Variants in SH3D19 observed in about 807,000 individuals in gnomAD.
The protein encoded by SH3D19 is SH3 domain-containing protein 19.
A neutral mutation model predicts 112.1 loss-of-function variants in SH3D19; 58 were observed. That is an observed-to-expected ratio of 0.52 (90% CI 0.42 to 0.64). The LOEUF is 0.64. SH3D19 is among the 30% of genes least tolerant of loss of function. SH3D19 has a pLI of 0.00. For synonymous variants in SH3D19, 391 were observed against 448.5 expected, an observed-to-expected ratio of 0.87 and a Z score of 1.62; for missense variants, 1,090 against 1,263.4, an observed-to-expected ratio of 0.86 and a Z score of 2.08.
intron 1 of SH3D19, chr4:151,226,519 A>G (rs906366152): frequency 2.1e-6 from 2 of 973,186 alleles, no homozygotes; most frequent in African/African-American, 3.5e-5. Flanking sequence ...GCAGTCAGCT[A>G]CAACATCTGC....
intron 9 of SH3D19, among the ~76,000 whole-genome samples, chr4:151,153,421 T>G (rs1301396632): frequency 6.6e-6 from 1 of 151,688 alleles, no homozygotes; most frequent in Non-Finnish European, 1.5e-5. Context: ...TAATTTTGTA[T>G]TTTTAGTAGA....
At chr4:151,186,756 C>T (rs1374227560) in intron 3 of SH3D19, among the ~76,000 whole-genome samples, 1 of 150,702 alleles carries the variant, frequency 6.6e-6, no homozygotes, top group Non-Finnish European at 1.5e-5. Flanking sequence ...ATTTCTTAAA[C>T]CTGTTAGATA....
intron 1 of SH3D19, among the ~76,000 whole-genome samples, chr4:151,273,674 G>GT (rs1773392433): frequency 6.8e-6 from 1 of 147,322 alleles, no homozygotes; most frequent in Admixed American, 6.8e-5. Flanking sequence ...CTCTGGTCAA[G>GT]TTTTTTGCTC....
intron 1 of SH3D19, among the ~76,000 whole-genome samples, chr4:151,276,189 T>G (rs767083586): frequency 2.6e-5 from 4 of 152,116 alleles, no homozygotes; most frequent in Non-Finnish European, 4.4e-5. Flanking sequence ...ATCCCAATAT[T>G]TTAAGTTGCA....
intron 9 of SH3D19, among the ~76,000 whole-genome samples, chr4:151,151,258 G>A (rs893511381): frequency 2.0e-5 from 3 of 152,068 alleles, no homozygotes; most frequent in Non-Finnish European, 4.4e-5. Flanking sequence ...ACCACACCCA[G>A]TCCCTCAATA....
intron 12 of SH3D19, among the ~76,000 whole-genome samples, chr4:151,142,737 A>T (rs938851433): frequency 5.9e-5 from 9 of 152,178 alleles, no homozygotes; most frequent in African/African-American, 2.2e-4. Context: ...ACATATTCGT[A>T]GAGATATTTA....
chr4:151,160,018 C>CT (rs2149797211), intron 8 of SH3D19, among the ~76,000 whole-genome samples: 1 of 151,916 alleles, frequency 6.6e-6, no homozygotes, highest in Non-Finnish European at 1.5e-5. Context: ...TTTGATAAGG[C>CT]ATGCTGCTTC....
At chr4:151,132,432 A>C (rs771536994) in intron 16 of SH3D19, 49 bp from the exon 17 acceptor site, 2 of 1,529,670 alleles carry the variant, frequency 1.3e-6, no homozygotes, top group African/African-American at 2.7e-5. Flanking sequence ...ATTAGATGTG[A>C]AGGCCACATA....
chr4:151,189,200 G>A (rs1191413615), intron 2 of SH3D19, among the ~76,000 whole-genome samples: 1 of 150,202 alleles, frequency 6.7e-6, no homozygotes, highest in Non-Finnish European at 1.5e-5. Flanking sequence ...TGCCAGCTCT[G>A]CCTCCCGGGT....
chr4:151,279,753 G>T, intron 1 of SH3D19: 1 of 1,587,630 alleles, frequency 6.3e-7, no homozygotes, highest in East Asian at 2.2e-5. Context: ...CAGAGAAACA[G>T]GACTCCTAGG....
chr4:151,282,256 C>T, intron 1 of SH3D19: 2 of 1,613,958 alleles, frequency 1.2e-6, no homozygotes, highest in Non-Finnish European at 1.7e-6. Flanking sequence ...ATCCCAAGTA[C>T]CAAGATACAA....
chr4:151,198,033 C>T (rs548641724), intron 2 of SH3D19, among the ~76,000 whole-genome samples: 92 of 151,894 alleles, frequency 6.1e-4, no homozygotes, highest in African/African-American at 2.1e-3. Flanking sequence ...AGGCCAGGTG[C>T]GGTGGCTCAT....
chr4:151,272,163 G>A (rs914279662), intron 1 of SH3D19, among the ~76,000 whole-genome samples: 1 of 152,178 alleles, frequency 6.6e-6, no homozygotes, highest in Non-Finnish European at 1.5e-5. Flanking sequence ...ACTATTTATA[G>A]ACAGATAATG....
chr4:151,310,976 C>T (rs188032068), intron 1 of SH3D19, among the ~76,000 whole-genome samples: 186 of 149,154 alleles, frequency 1.2e-3, no homozygotes, highest in Non-Finnish European at 2.1e-3. Context: ...GACGAATGAA[C>T]GGATAAACAA....
intron 1 of SH3D19, among the ~76,000 whole-genome samples, chr4:151,229,451 G>A (rs1486264487): frequency 1.3e-5 from 2 of 152,052 alleles, no homozygotes; most frequent in East Asian, 3.9e-4. Flanking sequence ...TCAGTGTGAG[G>A]GTAACCATGG....
At chr4:151,192,084 C>T (rs1762758673) in intron 2 of SH3D19, among the ~76,000 whole-genome samples, 1 of 150,472 alleles carries the variant, frequency 6.6e-6, no homozygotes. Flanking sequence ...GCTGGGACTA[C>T]AGGTGCCACG....
At chr4:151,248,336 A>G (rs1422791802) in intron 1 of SH3D19, among the ~76,000 whole-genome samples, 1 of 151,124 alleles carries the variant, frequency 6.6e-6, no homozygotes, top group East Asian at 1.9e-4. Context: ...AAATGAACAA[A>G]GTGTTTTACC....
At chr4:151,131,461 G>C (rs773840381) in intron 17 of SH3D19, among the ~76,000 whole-genome samples, 39 of 150,024 alleles carry the variant, frequency 2.6e-4, no homozygotes, top group Non-Finnish European at 4.6e-4. Flanking sequence ...GCCACTTATG[G>C]TATCTCTTTT....
chr4:151,138,735 A>C (rs1012916384), intron 13 of SH3D19, among the ~76,000 whole-genome samples: 5 of 147,298 alleles, frequency 3.4e-5, no homozygotes, highest in South Asian at 2.2e-4. Flanking sequence ...CACACACACA[A>C]ATTACTTTGA....
Sources: gnomAD v4.1 joint callset for allele counts (sites outside exome capture counted in the v4.1 genomes callset) on GRCh38, gnomAD v4.1.1 for gene constraint, MANE v1.5 for transcripts, NCBI Gene and HGNC (gene_info 2026-07-23, HGNC 2026-07-21) for gene names.